The following POU6F2 variants were observed in gnomAD, a reference collection of about 807,000 sequenced individuals.
The protein encoded by POU6F2 is POU class 6 homeobox 2, also known as POU domain, class 6, transcription factor 2.
In POU6F2, 31 loss-of-function variants were observed where a neutral mutation model predicts 71.3. The ratio of observed to expected loss-of-function variants is 0.43; its 90% CI spans 0.33 to 0.59. The LOEUF is 0.59. POU6F2 is among the 20% of genes least tolerant of loss of function. The pLI, the probability that POU6F2 is intolerant of heterozygous loss-of-function variation, is 0.04. For missense variants in POU6F2, 783 were observed against 856.8 expected, an observed-to-expected ratio of 0.91 and a Z score of 1.07; for synonymous variants, 347 against 355.7, an observed-to-expected ratio of 0.98 and a Z score of 0.27.
chr7:39,034,352 AGT>A, intron 1 of POU6F2: 1 of 203,244 alleles, frequency 4.9e-6, no homozygotes, highest in South Asian at 6.8e-5. Context: ...GTAGGAGGAG[AGT>A]GTGTATGTGT....
In POU6F2 at chr7:39,204,282, C is replaced by A. The variant is rs759083422; in HGVS notation, c.325C>A (p.His109Asn). ...ATCAGACCCAGGCACTCCTGACCAA[C>A]ACCAGGCCAGTCAGACCCACCCCCC... ...ALSDPGTPDQ[H>N]QASQTHPPFP... Residue 109 changes from histidine (H) to asparagine (N), a missense_variant, in exon 3 of 10, where the codon CAC becomes AAC. By Grantham distance (68) the His-to-Asn change is moderately conservative. This residue lies in a region of POU6F2 where 572 missense variants were observed against 572.9 expected (regional missense o/e 1.00). Transcript: ENST00000518318. 9 of 1,613,886 alleles carry A rather than the reference C, an allele frequency of 5.6e-6. No homozygotes were observed. The highest frequency in any genetic ancestry group is 3.3e-4 in the Middle Eastern group (2 of 6,062).
chr7:38,978,575 GC>G (rs558624906), intron 1 of POU6F2, among the ~76,000 whole-genome samples: 25 of 152,100 alleles, frequency 1.6e-4, no homozygotes, highest in Non-Finnish European at 3.1e-4. Flanking sequence ...GTGTGATTGA[GC>G]CCGGTAAATG....
chr7:39,372,456 C>T (rs1394664166), intron 5 of POU6F2, among the ~76,000 whole-genome samples: 1 of 152,184 alleles, frequency 6.6e-6, no homozygotes, highest in Non-Finnish European at 1.5e-5. Context: ...AGTCCAAAAT[C>T]TGCAGAGCTG....
At chr7:39,118,669 T>C (rs975560126) in intron 2 of POU6F2, among the ~76,000 whole-genome samples, 19 of 151,940 alleles carry the variant, frequency 1.3e-4, no homozygotes, top group African/African-American at 4.1e-4. Context: ...CATTCTCTGG[T>C]TAACAGGAGT....
At chr7:39,065,983 T>C (rs552136498) in intron 1 of POU6F2, among the ~76,000 whole-genome samples, 28 of 151,876 alleles carry the variant, frequency 1.8e-4, no homozygotes, top group Non-Finnish European at 3.2e-4. Context: ...AACAGAGCAA[T>C]TGAAAAAACT....
At chr7:39,289,887 G>C (rs1784718970) in intron 4 of POU6F2, among the ~76,000 whole-genome samples, 1 of 152,100 alleles carries the variant, frequency 6.6e-6, no homozygotes, top group Non-Finnish European at 1.5e-5. Flanking sequence ...CCTCACAGTT[G>C]CTGTCAGTAG....
chr7:39,017,307 T>C (rs562074953), intron 1 of POU6F2, among the ~76,000 whole-genome samples: 36 of 152,328 alleles, frequency 2.4e-4, no homozygotes, highest in East Asian at 1.9e-4. Context: ...CGTGTGAACA[T>C]GTTATGTAGA....
At chr7:39,144,833 G>A (rs1374063587) in intron 2 of POU6F2, among the ~76,000 whole-genome samples, 1 of 152,182 alleles carries the variant, frequency 6.6e-6, no homozygotes, top group Non-Finnish European at 1.5e-5. Flanking sequence ...TAGACACACT[G>A]CAGGAACACA....
intron 4 of POU6F2, among the ~76,000 whole-genome samples, chr7:39,289,990 A>G (rs1284500213): frequency 1.3e-5 from 2 of 152,194 alleles, no homozygotes; most frequent in Admixed American, 1.3e-4. Context: ...AAGAATAGGC[A>G]TAAGACTCAG....
intron 2 of POU6F2, among the ~76,000 whole-genome samples, chr7:39,194,784 C>T (rs1353748682): frequency 6.6e-6 from 1 of 152,174 alleles, no homozygotes; most frequent in African/African-American, 2.4e-5. Context: ...ACACTCACCG[C>T]GAAGGTCTGC....
intron 4 of POU6F2, among the ~76,000 whole-genome samples, chr7:39,294,859 G>A (rs1162238206): frequency 6.6e-6 from 1 of 152,104 alleles, no homozygotes; most frequent in Non-Finnish European, 1.5e-5. Flanking sequence ...GACCTCTTAT[G>A]GGATGCTTGC....
intron 1 of POU6F2, among the ~76,000 whole-genome samples, chr7:39,058,849 G>A (rs978079288): frequency 6.6e-6 from 1 of 152,054 alleles, no homozygotes; most frequent in Admixed American, 6.6e-5. Context: ...ACAGGGGCAG[G>A]GAGTTTTATT....
chr7:39,443,414 C>T (rs1367415504), intron 7 of POU6F2, among the ~76,000 whole-genome samples: 2 of 152,216 alleles, frequency 1.3e-5, no homozygotes, highest in African/African-American at 4.8e-5. Context: ...CTCAAATACC[C>T]AAGTCATGGC....
intron 5 of POU6F2, 83 bp from the exon 6 acceptor site, chr7:39,406,517 A>G: frequency 6.7e-7 from 1 of 1,493,918 alleles, no homozygotes; most frequent in South Asian, 1.2e-5. Flanking sequence ...GGCGAGAACT[A>G]CCTCCCCAGA....
intron 7 of POU6F2, among the ~76,000 whole-genome samples, chr7:39,448,803 G>C (rs1788585443): frequency 6.6e-6 from 1 of 152,142 alleles, no homozygotes; most frequent in African/African-American, 2.4e-5. Context: ...TAATGATTCA[G>C]TTACTCAAAA....
At chr7:39,275,809 C>T (rs944918737) in intron 4 of POU6F2, among the ~76,000 whole-genome samples, 1 of 151,684 alleles carries the variant, frequency 6.6e-6, no homozygotes, top group Non-Finnish European at 1.5e-5. Context: ...GGAAAGGATT[C>T]CCTATTTAAT....
At chr7:39,211,830 T>C (rs749016947) in intron 4 of POU6F2, among the ~76,000 whole-genome samples, 1 of 152,078 alleles carries the variant, frequency 6.6e-6, no homozygotes, top group Non-Finnish European at 1.5e-5. Flanking sequence ...TAATGACCCA[T>C]CTCCCTGTCT....
chr7:39,296,239 A>G (rs976659961), intron 4 of POU6F2, among the ~76,000 whole-genome samples: 2 of 152,206 alleles, frequency 1.3e-5, no homozygotes, highest in African/African-American at 2.4e-5. Context: ...TTAATTACAG[A>G]AACTCTAAAA....
chr7:39,248,292 G>A (rs1019144036), intron 4 of POU6F2, among the ~76,000 whole-genome samples: 1 of 152,136 alleles, frequency 6.6e-6, no homozygotes, highest in African/African-American at 2.4e-5. Context: ...TGCTAAAATG[G>A]CATCTTCCTA....
Sources: allele counts gnomAD v4.1 joint callset (sites outside exome capture counted in the v4.1 genomes callset), GRCh38; gene constraint gnomAD v4.1.1; regional missense constraint gnomAD v4.1.1; transcripts MANE v1.5; gene names NCBI Gene and HGNC (gene_info 2026-07-23, HGNC 2026-07-21).